CFI: variants seen among roughly 807,000 people sequenced by gnomAD.
CFI encodes C3B/C4B inactivator.
A neutral mutation model predicts 78.8 loss-of-function variants in CFI; 66 were observed. The ratio of observed to expected loss-of-function variants is 0.84; its 90% CI spans 0.69 to 1.03. The LOEUF (loss-of-function observed/expected upper bound fraction) is 1.03. Among genes scored for constraint, CFI ranks in the 50% least tolerant of loss-of-function variants. The probability of loss-of-function intolerance (pLI) is 0.00; values close to 1 mark genes in which losing one functional copy is unlikely to be tolerated. For synonymous variants in CFI, 250 were observed against 232.6 expected, an observed-to-expected ratio of 1.07 and a Z score of -0.68; for missense variants, 706 against 704.5, an observed-to-expected ratio of 1.00 and a Z score of -0.02.
intron 7 of CFI, among the ~76,000 whole-genome samples, chr4:109,756,965 GAA>G (rs1237928483): frequency 4.5e-5 from 6 of 133,872 alleles, no homozygotes; most frequent in African/African-American, 1.3e-4. Flanking sequence ...AAGAAAGAAA[GAA>G]AGAAAGAAAG....
intron 1 of CFI, among the ~76,000 whole-genome samples, chr4:109,784,021 T>C (rs1018345616): frequency 9.9e-5 from 15 of 151,464 alleles, no homozygotes; most frequent in African/African-American, 2.9e-4. Context: ...AAATGAACTT[T>C]GGAGACTTGG....
intron 1 of CFI, among the ~76,000 whole-genome samples, chr4:109,795,378 CT>C (rs758304870): frequency 6.6e-6 from 1 of 152,196 alleles, no homozygotes; most frequent in Non-Finnish European, 1.5e-5. Flanking sequence ...AAGACTTTTT[CT>C]GCCAAAGTCA....
intron 3 of CFI, among the ~76,000 whole-genome samples, chr4:109,763,943 A>G (rs1727397795): frequency 6.7e-6 from 1 of 149,300 alleles, no homozygotes; most frequent in African/African-American, 2.4e-5. Context: ...AGATATTCTG[A>G]ACCAAACAAT....
At chr4:109,750,131 G>T (rs748650724) in intron 8 of CFI, among the ~76,000 whole-genome samples, 2 of 151,802 alleles carry the variant, frequency 1.3e-5, no homozygotes, top group Non-Finnish European at 2.9e-5. Flanking sequence ...CAAGTAGCTG[G>T]GATTACAGGC....
At chr4:109,796,300 A>G (rs1276365003) in intron 1 of CFI, among the ~76,000 whole-genome samples, 1 of 152,196 alleles carries the variant, frequency 6.6e-6, no homozygotes, top group Non-Finnish European at 1.5e-5. Context: ...ACTATCCTCT[A>G]AAAATGAAAG....
At position 109,764,702 on chromosome 4, in the gene CFI, A is replaced by G. The variant is rs763343821; in HGVS notation, c.329-12T>C. ...AACACTAAACTTTCCTAAAATAAAA[A>G]AACAAAATAATGTGCAATATGTAGC... On this transcript the variant is annotated splice_polypyrimidine_tract_variant and intron_variant, in intron 2 of 12. Coordinates refer to ENST00000394634, the MANE Select transcript of CFI (RefSeq NM_000204.5). 3.7e-6 allele frequency: 6 copies of G among 1,611,066 alleles called. No individual in the cohort carries two copies. In the African/African-American group the frequency reaches 8.0e-5, roughly 22 times the overall value.
chr4:109,733,999 A>C, the CFI span, among the ~76,000 whole-genome samples: 1 of 151,956 alleles, frequency 6.6e-6, no homozygotes, highest in Non-Finnish European at 1.5e-5. Context: ...GCAAAACCTT[A>C]TCTCTATAAA....
chr4:109,736,570 A>G (rs1390821967), downstream of CFI, among the ~76,000 whole-genome samples: 1 of 152,176 alleles, frequency 6.6e-6, no homozygotes, highest in African/African-American at 2.4e-5. Flanking sequence ...GTTGAAGACA[A>G]TGATCCTCTG....
At chr4:109,775,199 G>T (rs1486543145) in intron 1 of CFI, among the ~76,000 whole-genome samples, 6 of 152,136 alleles carry the variant, frequency 3.9e-5, no homozygotes, top group Non-Finnish European at 5.9e-5. Flanking sequence ...GCAGGGTGGG[G>T]CATCGCCTCA....
chr4:109,754,956 C>A (rs1358473296), intron 7 of CFI, among the ~76,000 whole-genome samples: 1 of 152,130 alleles, frequency 6.6e-6, no homozygotes, highest in Non-Finnish European at 1.5e-5. Flanking sequence ...TTATGGATTT[C>A]TATTCAACAA....
intron 7 of CFI, among the ~76,000 whole-genome samples, chr4:109,753,528 A>T (rs1349398594): frequency 1.2e-4 from 3 of 24,198 alleles, no homozygotes; most frequent in African/African-American, 3.6e-4. Context: ...AAATATTTAT[A>T]ATAAATATTT....
intron 1 of CFI, among the ~76,000 whole-genome samples, chr4:109,773,880 G>A (rs1458737549): frequency 6.6e-6 from 1 of 152,200 alleles, no homozygotes; most frequent in East Asian, 1.9e-4. Flanking sequence ...CTCTGGGACA[G>A]ATCTTGGATT....
intron 1 of CFI, among the ~76,000 whole-genome samples, chr4:109,796,389 C>G (rs1014357680): frequency 6.6e-6 from 1 of 152,130 alleles, no homozygotes; most frequent in Non-Finnish European, 1.5e-5. Flanking sequence ...AGGTTTTATT[C>G]AAGTTGAAAT....
At chr4:109,750,834 T>TACTA (rs1203334939) in intron 8 of CFI, among the ~76,000 whole-genome samples, 1 of 152,218 alleles carries the variant, frequency 6.6e-6, no homozygotes, top group African/African-American at 2.4e-5. Context: ...TCATCTTGGA[T>TACTA]ACTAATCTGC....
At chr4:109,757,735 T>A in intron 7 of CFI, 28 bp downstream of exon 7, 1 of 1,367,494 alleles carries the variant, frequency 7.3e-7, no homozygotes, top group Non-Finnish European at 1.0e-6. Flanking sequence ...AATTTTTTAA[T>A]ATCCCCAAAT....
intron 1 of CFI, among the ~76,000 whole-genome samples, chr4:109,784,756 A>T (rs904402925): frequency 5.3e-5 from 8 of 152,112 alleles, no homozygotes; most frequent in Non-Finnish European, 1.2e-4. Flanking sequence ...CTAACACATT[A>T]ATGATGAACC....
intron 10 of CFI, among the ~76,000 whole-genome samples, chr4:109,747,361 A>ATT (rs5860989): frequency 3.3e-5 from 5 of 151,872 alleles, no homozygotes; most frequent in Admixed American, 2.6e-4. Context: ...ATTTAAAAAA[A>ATT]TTTTTTTGTA....
chr4:109,769,357 C>A (rs1728268232), intron 1 of CFI, among the ~76,000 whole-genome samples: 1 of 152,194 alleles, frequency 6.6e-6, no homozygotes, highest in Non-Finnish European at 1.5e-5. Context: ...ACCACTGAAG[C>A]TCTGACCTTC....
rs146542884 is a variant in CFI at position 109,757,363 on chromosome 4, T to A, written c.904+400A>T. ...ACATGAATATTTTTAAAAAGGGTGG[T>A]CCCAAAGAGCTAGAGCATTTGGGGA... On this transcript the variant is annotated intron_variant, in intron 7 of 12. Transcript: ENST00000394634. Among the ~76,000 whole-genome samples the A allele has an allele frequency of 2.0e-4, 31 of 152,152 alleles. No individual in the cohort carries two copies. In the South Asian group the frequency reaches 6.0e-3, roughly 30 times the overall value.
Sources: allele counts gnomAD v4.1 joint callset (sites outside exome capture counted in the v4.1 genomes callset), GRCh38; gene constraint gnomAD v4.1.1; transcripts MANE v1.5; gene names NCBI Gene and HGNC (gene_info 2026-07-23, HGNC 2026-07-21).